Variants in GRIK5 observed in about 807,000 individuals in gnomAD.
The protein encoded by GRIK5 is glutamate receptor ionotropic, kainate 5.
A neutral mutation model predicts 97.4 loss-of-function variants in GRIK5; 43 were observed. The observed-to-expected ratio is 0.44, with a 90% CI of 0.35 to 0.57. GRIK5 has a LOEUF of 0.57. GRIK5 is among the 20% of genes least tolerant of loss of function. The probability of loss-of-function intolerance (pLI) is 0.01; values close to 1 mark genes in which losing one functional copy is unlikely to be tolerated. For synonymous variants in GRIK5, 580 were observed against 583.5 expected (o/e 0.99, Z 0.09); for missense variants, 1,015 against 1,382.0 (o/e 0.73, Z 4.21).
intron 1 of GRIK5, 85 bp downstream of exon 1, chr19:42,069,156 T>C (rs1031062685): frequency 3.5e-5 from 14 of 396,888 alleles, no homozygotes; most frequent in African/African-American, 2.9e-4. Context: ...ACGGGGAGAA[T>C]GTGGTGCCCC....
chr19:42,054,528 G>A (rs1358182065), intron 8 of GRIK5, 56 bp from the exon 9 acceptor site: 3 of 1,579,820 alleles, frequency 1.9e-6, no homozygotes, highest in East Asian at 2.3e-5. Context: ...AGGCAGAGGA[G>A]CCCCAAAGGC....
chr19:42,058,263 C>T (rs189584927), intron 6 of GRIK5, among the ~76,000 whole-genome samples: 230 of 152,196 alleles, frequency 1.5e-3, no homozygotes, highest in Non-Finnish European at 2.1e-3. Context: ...TCACTGCAAG[C>T]TCCACCTCCC....
chr19:42,034,586 C>T (rs557619085), intron 12 of GRIK5, among the ~76,000 whole-genome samples: 2 of 152,210 alleles, frequency 1.3e-5, no homozygotes, highest in East Asian at 3.9e-4. Flanking sequence ...ATTTGCTGCG[C>T]ACCAGCTGGG....
chr19:42,039,878 G>T (rs2075957476), intron 12 of GRIK5, among the ~76,000 whole-genome samples: 1 of 152,128 alleles, frequency 6.6e-6, no homozygotes, highest in South Asian at 2.1e-4. Flanking sequence ...AACTCGGGAG[G>T]CTGAGGTGGG....
At position 42,006,503 on chromosome 19, in the gene GRIK5, T is replaced by C. The variant is rs1360963518; in HGVS notation, c.2037+142A>G. On this transcript the variant is annotated intron_variant, in intron 16 of 19. Coordinates refer to ENST00000593562, the MANE Select transcript of GRIK5 (RefSeq NM_002088.5). This position sits in a 1 kb window ranked among gnomAD's most constrained non-coding sequence, Gnocchi z 5.3. The stretch of plus-strand genomic sequence containing the variant: ...CAGCTGCGAGCCCCATGACAGCACA[T>C]GTGTGTTTTCTGCTCCCCAGCCTCC... 2.8e-6 allele frequency: 2 copies of C among 701,974 alleles called. No homozygotes were observed. The highest frequency in any genetic ancestry group is 4.9e-6 in the Non-Finnish European group (2 of 411,094). The allele number at this position is 701,974 out of a possible 1,614,324, so 43.5% of individuals were successfully genotyped here. A position where few individuals can be genotyped will look rare whatever the true frequency, so the allele number is the denominator to read the frequency against.
intron 1 of GRIK5, among the ~76,000 whole-genome samples, chr19:42,067,827 G>C (rs921544321): frequency 6.6e-6 from 1 of 152,194 alleles, no homozygotes; most frequent in African/African-American, 2.4e-5. Context: ...AAAGGAGACA[G>C]AGACAGGGCA....
At chr19:42,017,720 G>C (rs2075641785) in intron 15 of GRIK5, among the ~76,000 whole-genome samples, 1 of 152,226 alleles carries the variant, frequency 6.6e-6, no homozygotes, top group African/African-American at 2.4e-5. Flanking sequence ...TGGAGGCATG[G>C]ATAAGGGGTC....
chr19:41,999,158 T>C lies in GRIK5; in HGVS notation c.2656A>G (p.Ser886Gly). Residue 886 changes from serine (S) to glycine (G), a missense_variant, in exon 20 of 20, where the codon AGC (serine) becomes GGC (glycine). By Grantham distance (56) the Ser-to-Gly change is moderately conservative (BLOSUM62 0). This residue lies in a region of GRIK5 where 229 missense variants were observed against 341.0 expected (regional missense o/e 0.67). Coordinates refer to ENST00000593562, the MANE Select transcript of GRIK5 (RefSeq NM_002088.5). This position sits in a 1 kb window ranked among gnomAD's most constrained non-coding sequence, Gnocchi z 5.0. The stretch of plus-strand genomic sequence containing the variant: ...CCGGCCGAGTAGAGCTTGCCGTTGC[T>C]GAGGCGCATCTCGCGGACCGCGCGC... ...SLRAVREMRLSNGKLYSAGAG... is the reference protein window; with the variant it reads ...SLRAVREMRLGNGKLYSAGAG... The C allele has an allele frequency of 1.3e-6, 2 of 1,502,028 alleles. No individual in the cohort carries two copies. The highest frequency in any genetic ancestry group is 1.8e-6 in the Non-Finnish European group (2 of 1,133,998). 93.0% of individuals were successfully genotyped at this position (1,502,028 alleles called of 1,614,324 possible).
chr19:42,065,117 T>C lies in GRIK5; in HGVS notation c.244+106A>G. The C allele has an allele frequency of 1.1e-6, 1 of 929,970 alleles. No homozygotes were observed. Among genetic ancestry groups the C allele is most frequent in the Admixed American group, 2.3e-5 (1 of 42,768 alleles). 57.6% of individuals were successfully genotyped at this position (929,970 alleles called of 1,614,324 possible). On this transcript the variant is annotated intron_variant, in intron 3 of 19. Coordinates refer to ENST00000593562, the MANE Select transcript of GRIK5 (RefSeq NM_002088.5). This position sits in a 1 kb window ranked among gnomAD's most constrained non-coding sequence, Gnocchi z 5.8. ...AGACAAACACAAAGAAGGGGGAGGA[T>C]GGAGCTAGAAGAGGACAAGGCCAGG... is the stretch of plus-strand genomic sequence containing the variant.
At position 42,002,011 on chromosome 19, in the gene GRIK5, G is replaced by A. The variant is rs1380906987; in HGVS notation, c.2514+1321C>T. 25 of 626,338 alleles carry A rather than the reference G, an allele frequency of 4.0e-5. 1 individual carries two copies. The highest frequency in any genetic ancestry group is 3.2e-4 in the South Asian group (16 of 50,602). The allele number at this position is 626,338 out of a possible 1,614,324, so 38.8% of individuals were successfully genotyped here. On this transcript the variant is annotated intron_variant, in intron 19 of 19. Transcript: ENST00000593562. This position sits in a 1 kb window ranked among gnomAD's most constrained non-coding sequence, Gnocchi z 5.2. ...CGAGGGAGCCTGGGAAGGAGTGACC[G>A]GAGAAGTGGGAGAAGGGGAAGAAGG...
intron 12 of GRIK5, among the ~76,000 whole-genome samples, chr19:42,037,078 C>T (rs938450714): frequency 1.3e-5 from 2 of 152,202 alleles, no homozygotes; most frequent in Non-Finnish European, 2.9e-5. Flanking sequence ...ACATACAGAC[C>T]GCCTCAAGAA....
At chr19:42,055,702 CAG>C (rs1041532955) in intron 8 of GRIK5, among the ~76,000 whole-genome samples, 3 of 151,804 alleles carry the variant, frequency 2.0e-5, no homozygotes, top group Non-Finnish European at 4.4e-5. Context: ...TCTTTTGAGA[CAG>C]AGTCTTGCTC....
chr19:42,027,946 C>G (rs2075792097), intron 12 of GRIK5, among the ~76,000 whole-genome samples: 1 of 152,150 alleles, frequency 6.6e-6, no homozygotes, highest in African/African-American at 2.4e-5. Context: ...TCTCCTATAC[C>G]TCAACCTCCT....
chr19:42,056,307 A>G (rs1400264286), intron 8 of GRIK5, among the ~76,000 whole-genome samples: 1 of 152,116 alleles, frequency 6.6e-6, no homozygotes, highest in African/African-American at 2.4e-5. Context: ...TTTAAACAGG[A>G]GGAGGAAGGA....
intron 1 of GRIK5, among the ~76,000 whole-genome samples, chr19:42,066,312 G>C (rs2076331366): frequency 6.6e-6 from 1 of 152,044 alleles, no homozygotes; most frequent in Non-Finnish European, 1.5e-5. Flanking sequence ...AACATCCCCA[G>C]TTCCCACAAT....
At chr19:42,057,374 TC>T (rs1481779011) in intron 6 of GRIK5, among the ~76,000 whole-genome samples, 1 of 151,418 alleles carries the variant, frequency 6.6e-6, no homozygotes, top group East Asian at 1.9e-4. Flanking sequence ...AGGGGAATTA[TC>T]TTTTTTTTTT....
At chr19:42,018,137 C>A (rs1269456959) in intron 15 of GRIK5, among the ~76,000 whole-genome samples, 1 of 137,496 alleles carries the variant, frequency 7.3e-6, no homozygotes, top group African/African-American at 2.8e-5. Flanking sequence ...CATGGTGAAA[C>A]CCCATCTCTA....
intron 3 of GRIK5, among the ~76,000 whole-genome samples, chr19:42,064,774 A>T (rs1599855309): frequency 1.3e-5 from 2 of 152,118 alleles, no homozygotes; most frequent in African/African-American, 4.8e-5. Context: ...TTCCATAGAC[A>T]CTTCCACACC....
In GRIK5 at chr19:42,042,098, T is replaced by C. The variant is rs1481071698; in HGVS notation, c.1473+454A>G. 2.0e-5 allele frequency among the ~76,000 whole-genome samples: 3 copies of C among 152,196 alleles called. No homozygotes were observed. The highest frequency in any genetic ancestry group is 4.4e-5 in the Non-Finnish European group (3 of 68,022). Reference sequence around the variant, plus strand: ...AATGGGTGAATGTATGAGTTCTACATGCAGCCCTCCAGGTCCATGATGTGC... The same window carrying C: ...AATGGGTGAATGTATGAGTTCTACACGCAGCCCTCCAGGTCCATGATGTGC... On this transcript the variant is annotated intron_variant, in intron 12 of 19. Coordinates refer to ENST00000593562, the MANE Select transcript of GRIK5 (RefSeq NM_002088.5). The surrounding 1 kb of genome is among the most constrained non-coding windows in gnomAD (Gnocchi z 6.9).
Sources: gnomAD v4.1 joint callset for allele counts (sites outside exome capture counted in the v4.1 genomes callset) on GRCh38, gnomAD v4.1.1 for gene constraint, gnomAD v4.1.1 regional missense constraint, Gnocchi (gnomAD v3.1) non-coding constraint, MANE v1.5 for transcripts, NCBI Gene and HGNC (gene_info 2026-07-23, HGNC 2026-07-21) for gene names.